Variants in SLC35E2B observed in about 807,000 individuals in gnomAD.
SLC35E2B encodes solute carrier family 35 member E2B.
SLC35E2B carries 18 observed loss-of-function variants against 32.4 expected under a neutral mutation model. The observed-to-expected ratio is 0.56, with a 90% CI of 0.38 to 0.82. The LOEUF (loss-of-function observed/expected upper bound fraction) is 0.82, where lower values mean the gene tolerates loss of function less well. SLC35E2B is among the 40% of genes least tolerant of loss of function. The pLI is 0.00. For missense variants in SLC35E2B, 263 were observed against 469.5 expected, an observed-to-expected ratio of 0.56 and a Z score of 4.06; for synonymous variants, 132 against 209.1, an observed-to-expected ratio of 0.63 and a Z score of 3.18.
chr1:1,669,593 C>A, intron 8 of SLC35E2B, 71 bp downstream of exon 8: 1 of 1,425,304 alleles, frequency 7.0e-7, no homozygotes, highest in South Asian at 1.4e-5. Context: ...AAACGGAAGT[C>A]ATTCTGCTCC....
chr1:1,663,550 A>AAGGGTG lies in SLC35E2B; in HGVS notation c.*2231_*2232insCACCCT. ...CAATGGCACGATCTTGGCTCACTGC[A>AAGGGTG]ACCTCCATCTCCGGGGTTCAAACAA... On this transcript the variant is annotated 3_prime_UTR_variant, in exon 10 of 10. Coordinates refer to ENST00000617444, the MANE Select transcript of SLC35E2B (RefSeq NM_001290264.2). The AAGGGTG allele has an allele frequency of 2.3e-6, 1 of 427,928 alleles. No individual in the cohort carries two copies. The highest frequency in any genetic ancestry group is 3.1e-6 in the Non-Finnish European group (1 of 318,316). 26.5% of individuals were successfully genotyped at this position (427,928 alleles called of 1,614,324 possible).
intron 8 of SLC35E2B, 86 bp downstream of exon 8, chr1:1,669,578 C>T: frequency 7.3e-7 from 1 of 1,373,656 alleles, no homozygotes; most frequent in Non-Finnish European, 9.8e-7. Context: ...CAGCACACGG[C>T]CTGGAAACGG....
Position 1,669,706 on chromosome 1 carries a change from G to T in SLC35E2B, c.792C>A (p.Ala264=). The T allele has an allele frequency of 6.5e-7, 1 of 1,538,594 alleles. No individual in the cohort carries two copies. The highest frequency in any genetic ancestry group is 8.8e-7 in the Non-Finnish European group (1 of 1,138,004). The change falls in exon 8 of 10, where the codon GCC becomes GCA. Residue 264 remains alanine, a synonymous_variant. Transcript: ENST00000617444. Reference sequence around the variant, plus strand: ...CCGGGACGAGCATGGCCACCGCAGCGGCGCTGGTGTAGAACTGCAGCTCCG... The same window carrying T: ...CCGGGACGAGCATGGCCACCGCAGCTGCGCTGGTGTAGAACTGCAGCTCCG... ...SAPELQFYTS[A]AAVAMLVPAR...
chr1:1,679,827 C>G (rs1318346698), intron 2 of SLC35E2B, among the ~76,000 whole-genome samples: 17 of 123,698 alleles, frequency 1.4e-4, no homozygotes, highest in African/African-American at 5.4e-4. Flanking sequence ...GCGAGACTCC[C>G]GTCAAAAAAA....
At chr1:1,674,756 C>T (rs1199080092) in intron 5 of SLC35E2B, among the ~76,000 whole-genome samples, 3 of 152,048 alleles carry the variant, frequency 2.0e-5, no homozygotes, top group South Asian at 2.1e-4. Flanking sequence ...CCTGGACCCT[C>T]GGCCTCCTCC....
chr1:1,674,565 C>T (rs1017500361), intron 5 of SLC35E2B, among the ~76,000 whole-genome samples: 3 of 150,538 alleles, frequency 2.0e-5, no homozygotes, highest in African/African-American at 4.9e-5. Context: ...TGCAGTGAGT[C>T]GTGACCTCGC....
At chr1:1,669,021 T>G (rs1390162996) in intron 8 of SLC35E2B, among the ~76,000 whole-genome samples, 1 of 150,350 alleles carries the variant, frequency 6.7e-6, no homozygotes, top group Non-Finnish European at 1.5e-5. Flanking sequence ...AAATATAGAA[T>G]TATTATATAA....
intron 2 of SLC35E2B, among the ~76,000 whole-genome samples, chr1:1,686,321 C>CTTTTTTTTTTT (rs375495225): frequency 9.4e-5 from 12 of 127,766 alleles, no homozygotes; most frequent in Non-Finnish European, 8.2e-5. Flanking sequence ...CTTTTTTTTT[C>CTTTTTTTTTTT]TTTTTTTTTT....
At chr1:1,688,243 C>G (rs1461644543) in intron 2 of SLC35E2B, among the ~76,000 whole-genome samples, 1 of 152,102 alleles carries the variant, frequency 6.6e-6, no homozygotes, top group African/African-American at 2.4e-5. Context: ...TGAGAAGCCA[C>G]CATCTGGCCA....
chr1:1,682,602 A>G (rs891308353), intron 2 of SLC35E2B, among the ~76,000 whole-genome samples: 2 of 152,056 alleles, frequency 1.3e-5, no homozygotes, highest in African/African-American at 4.8e-5. Context: ...TAAAAGCATG[A>G]AAGTGCCTGA....
At chr1:1,685,735 G>A (rs1643942627) in intron 2 of SLC35E2B, among the ~76,000 whole-genome samples, 1 of 152,178 alleles carries the variant, frequency 6.6e-6, no homozygotes, top group Admixed American at 6.5e-5. Flanking sequence ...ATGGACGCTG[G>A]ATGTGGGTAC....
rs1047314264 is a variant in SLC35E2B at position 1,661,627 on chromosome 1, T to C, written c.*4155A>G. On this transcript the variant is annotated 3_prime_UTR_variant, in exon 10 of 10. Transcript: ENST00000617444. The stretch of plus-strand genomic sequence containing the variant: ...CCACCACAGCAGAATCAACAGTGAC[T>C]CGCTAATTAACAGAACCGTTTGCTA... 2.5e-6 allele frequency: 1 copy of C among 397,488 alleles called. No homozygotes were observed. Among genetic ancestry groups the C allele is most frequent in the Non-Finnish European group, 3.4e-6 (1 of 292,234 alleles). 24.6% of individuals were successfully genotyped at this position (397,488 alleles called of 1,614,324 possible). A position where few individuals can be genotyped will look rare whatever the true frequency, so the allele number is the denominator to read the frequency against.
At chr1:1,690,300 A>AACAAC (rs1557768850) in intron 2 of SLC35E2B, among the ~76,000 whole-genome samples, 8 of 92,080 alleles carry the variant, frequency 8.7e-5, no homozygotes, top group African/African-American at 3.1e-4. Context: ...AAAAAGAAAC[A>AACAAC]AAAAAAAATA....
intron 6 of SLC35E2B, chr1:1,670,908 A>G (rs762574778): frequency 6.6e-6 from 1 of 152,210 alleles, no homozygotes; most frequent in Non-Finnish European, 1.5e-5. Flanking sequence ...GTGGCCATTA[A>G]CAGCACGGCA....
rs577211861 is a variant in SLC35E2B at position 1,665,138 on chromosome 1, G to C, written c.*644C>G. ...GGCCTTCCTCTAAACAGAAGCGACT[G>C]AACGGCCTCCGTGGTCATAGCCCTT... On this transcript the variant is annotated 3_prime_UTR_variant, in exon 10 of 10. Coordinates refer to ENST00000617444, the MANE Select transcript of SLC35E2B (RefSeq NM_001290264.2). 9.7e-5 allele frequency: 17 copies of C among 175,124 alleles called. No homozygotes were observed. The highest frequency in any genetic ancestry group is 1.8e-4 in the Non-Finnish European group (16 of 88,590). 10.8% of individuals were successfully genotyped at this position (175,124 alleles called of 1,614,324 possible).
At chr1:1,667,503 G>A (rs1643578436) in intron 9 of SLC35E2B, among the ~76,000 whole-genome samples, 1 of 152,146 alleles carries the variant, frequency 6.6e-6, no homozygotes, top group Non-Finnish European at 1.5e-5. Flanking sequence ...AGAAGCTGAA[G>A]GATCCTCCCC....
chr1:1,684,799 A>AAAC lies in SLC35E2B; in HGVS notation c.-148+6176_-148+6177insGTT, dbSNP rs1425850807. On this transcript the variant is annotated intron_variant, in intron 2 of 9. Transcript: ENST00000617444. ...AGCGAGACTCCATCTCAAAAAAAAA[A>AAAC]AAAAAAAAAAAAAAACAGGACAGCC... Among the ~76,000 whole-genome samples the AAAC allele has an allele frequency of 2.4e-3, 347 of 146,796 alleles. 3 individuals carry two copies. Among genetic ancestry groups the AAAC allele is most frequent in the African/African-American group, 8.3e-3 (329 of 39,748 alleles).
In SLC35E2B at chr1:1,688,399, C is replaced by T. The variant is rs1313263996; in HGVS notation, c.-148+2577G>A. Among the ~76,000 whole-genome samples the T allele has an allele frequency of 5.3e-5, 8 of 151,158 alleles. No individual in the cohort carries two copies. In the East Asian group the frequency reaches 1.6e-3, roughly 30 times the overall value. On this transcript the variant is annotated intron_variant, in intron 2 of 9. Coordinates refer to ENST00000617444, the MANE Select transcript of SLC35E2B (RefSeq NM_001290264.2). ...AGGTGGGCGGATCACAAGGTCAGGA[C>T]ATCGAGATCCTCCTGGCCAACACAG...
At chr1:1,689,273 T>C (rs1258827282) in intron 2 of SLC35E2B, among the ~76,000 whole-genome samples, 2 of 152,144 alleles carry the variant, frequency 1.3e-5, no homozygotes, top group Admixed American at 1.3e-4. Flanking sequence ...CAGTTGTCCA[T>C]GCTGCCAGGC....
Sources: gnomAD v4.1 joint callset for allele counts (sites outside exome capture counted in the v4.1 genomes callset) on GRCh38, gnomAD v4.1.1 for gene constraint, MANE v1.5 for transcripts, NCBI Gene and HGNC (gene_info 2026-07-23, HGNC 2026-07-21) for gene names.